CLIC5: variants seen among roughly 807,000 people sequenced by gnomAD.
The protein encoded by CLIC5 is CLIC family member 5, also known as chloride intracellular channel protein 5.
In CLIC5, 20 loss-of-function variants were observed where a neutral mutation model predicts 24.7. That is an observed-to-expected ratio of 0.81 (90% confidence interval 0.57 to 1.18). The LOEUF is 1.18. Among genes scored for constraint, CLIC5 ranks in the 50% most tolerant of loss-of-function variants. The pLI is 0.00. For synonymous variants in CLIC5, 159 were observed against 135.6 expected (o/e 1.17, Z -1.20); for missense variants, 341 against 326.1 (o/e 1.05, Z -0.35).
intron 4 of CLIC5, among the ~76,000 whole-genome samples, chr6:45,936,331 A>G (rs963522207): frequency 4.7e-5 from 7 of 149,720 alleles, no homozygotes; most frequent in African/African-American, 1.7e-4. Context: ...CGGCCTCCTG[A>G]GTAGCTGGGA....
At chr6:45,955,303 A>T in intron 1 of CLIC5, 59 bp from the exon 2 acceptor site, 1 of 1,228,202 alleles carries the variant, frequency 8.1e-7, no homozygotes, top group Non-Finnish European at 1.2e-6. Flanking sequence ...GGGGAACATA[A>T]GATTGTAACA....
At chr6:46,117,022 TCAA>T in the CLIC5 span, among the ~76,000 whole-genome samples, 1 of 152,214 alleles carries the variant, frequency 6.6e-6, no homozygotes, top group African/African-American at 2.4e-5. Flanking sequence ...TGCAAAGCAC[TCAA>T]CACATTCAAA....
intron 1 of CLIC5, among the ~76,000 whole-genome samples, chr6:45,962,247 A>G (rs1354078162): frequency 6.6e-6 from 1 of 151,470 alleles, no homozygotes; most frequent in Non-Finnish European, 1.5e-5. Flanking sequence ...AGAGAGATTT[A>G]TTTTAAGGAA....
chr6:45,909,708 CT>C (rs2127301004), intron 5 of CLIC5, among the ~76,000 whole-genome samples: 1 of 152,242 alleles, frequency 6.6e-6, no homozygotes, highest in East Asian at 1.9e-4. Flanking sequence ...GCCTTTAAGA[CT>C]TTTTTCTTTG....
chr6:45,964,758 T>C (rs752022387), intron 1 of CLIC5, among the ~76,000 whole-genome samples: 4 of 152,198 alleles, frequency 2.6e-5, no homozygotes, highest in African/African-American at 4.8e-5. Flanking sequence ...TCTAACCAAG[T>C]CCTGGCCAAA....
chr6:45,981,730 T>A (rs1438499792), intron 1 of CLIC5, among the ~76,000 whole-genome samples: 1 of 152,154 alleles, frequency 6.6e-6, no homozygotes, highest in Non-Finnish European at 1.5e-5. Context: ...ACAGGCCAGG[T>A]GCGGTGGCTC....
intron 1 of CLIC5, among the ~76,000 whole-genome samples, chr6:46,061,048 GAGACAT>G (rs1762252163): frequency 6.6e-6 from 1 of 152,176 alleles, no homozygotes; most frequent in Non-Finnish European, 1.5e-5. Context: ...ATATTAAAGA[GAGACAT>G]AGGAAGGAAT....
chr6:46,123,612 G>T, the CLIC5 span, among the ~76,000 whole-genome samples: 1 of 152,104 alleles, frequency 6.6e-6, no homozygotes, highest in African/African-American at 2.4e-5. Context: ...GAAATAAAGG[G>T]TATTCAATTA....
chr6:45,938,806 T>C (rs1421917023), intron 4 of CLIC5, among the ~76,000 whole-genome samples: 1 of 152,108 alleles, frequency 6.6e-6, no homozygotes, highest in Non-Finnish European at 1.5e-5. Flanking sequence ...CTTTGACAAG[T>C]ATGAAAGAAG....
In CLIC5 at chr6:45,941,693, T is replaced by C. The variant is rs201546905; in HGVS notation, c.300-40A>G. 8.0e-5 allele frequency: 115 copies of C among 1,444,906 alleles called. No individual in the cohort carries two copies. The East Asian group carries it at 2.6e-3, about 32-fold the overall frequency. 89.5% of individuals were successfully genotyped at this position (1,444,906 alleles called of 1,614,324 possible). A position where few individuals can be genotyped will look rare whatever the true frequency, so the allele number is the denominator to read the frequency against. On this transcript the variant is annotated intron_variant, in intron 3 of 5. Transcript: ENST00000339561. ...GCAGTGTTCTGTGAATCAGTAGACT[T>C]GGAGCTCCTTTAAGGGTGAGCCTAT...
chr6:45,953,940 G>A (rs1049893658), intron 2 of CLIC5, among the ~76,000 whole-genome samples: 2 of 152,036 alleles, frequency 1.3e-5, no homozygotes, highest in East Asian at 3.9e-4. Context: ...CAACAATGAA[G>A]GCAGCAATAG....
At chr6:45,939,681 C>T (rs1764063536) in intron 4 of CLIC5, among the ~76,000 whole-genome samples, 3 of 152,118 alleles carry the variant, frequency 2.0e-5, no homozygotes, top group Admixed American at 2.0e-4. Flanking sequence ...TGCTCTTTCA[C>T]CCAGGTTGGA....
chr6:46,019,692 CAA>C (rs60367562), upstream of CLIC5, among the ~76,000 whole-genome samples: 31 of 62,878 alleles, frequency 4.9e-4, no homozygotes, highest in East Asian at 0.012. Context: ...GACTCCGTCT[CAA>C]AAAAAAAAAA....
chr6:46,049,331 A>G (rs1768040925), intron 1 of CLIC5, among the ~76,000 whole-genome samples: 1 of 152,238 alleles, frequency 6.6e-6, no homozygotes, highest in East Asian at 1.9e-4. Flanking sequence ...AACTTGTGAT[A>G]AAGTTACAAA....
the CLIC5 span, among the ~76,000 whole-genome samples, chr6:46,108,502 T>C: frequency 2.0e-5 from 3 of 151,918 alleles, no homozygotes; most frequent in African/African-American, 7.3e-5. Flanking sequence ...GTTCAAGCGA[T>C]TCTCCTGCCT....
intron 2 of CLIC5, among the ~76,000 whole-genome samples, chr6:45,954,272 C>CAAAAA (rs11311720): frequency 1.6e-4 from 12 of 76,440 alleles, no homozygotes; most frequent in Admixed American, 2.9e-4. Context: ...GACTCTGTCT[C>CAAAAA]AAAAAAAAAA....
At chr6:45,973,214 G>A (rs929469602) in intron 1 of CLIC5, among the ~76,000 whole-genome samples, 3 of 152,188 alleles carry the variant, frequency 2.0e-5, no homozygotes, top group Admixed American at 6.5e-5. Flanking sequence ...CCAGTCAGAT[G>A]TCGGACCCTA....
At chr6:46,081,671 C>A (rs2127480064), upstream of CLIC5, among the ~76,000 whole-genome samples, 1 of 152,288 alleles carries the variant, frequency 6.6e-6, no homozygotes, top group African/African-American at 2.4e-5. Context: ...CAGTTCAAAT[C>A]TTCCTCCTAG....
chr6:46,007,671 A>G (rs1766636344), intron 1 of CLIC5, among the ~76,000 whole-genome samples: 2 of 152,144 alleles, frequency 1.3e-5, no homozygotes, highest in South Asian at 4.1e-4. Context: ...ACTCTTCCTT[A>G]AACCCACATA....
Sources: allele counts gnomAD v4.1 joint callset (sites outside exome capture counted in the v4.1 genomes callset), GRCh38; gene constraint gnomAD v4.1.1; transcripts MANE v1.5; gene names NCBI Gene and HGNC (gene_info 2026-07-23, HGNC 2026-07-21).